NBEA: variants seen among roughly 807,000 people sequenced by gnomAD.
NBEA encodes neurobeachin.
A neutral mutation model predicts 343.4 loss-of-function variants in NBEA; 44 were observed. That is an observed-to-expected ratio of 0.13 (90% CI 0.10 to 0.16). The LOEUF (loss-of-function observed/expected upper bound fraction) is 0.16, where lower values mean the gene tolerates loss of function less well. Among genes scored for constraint, NBEA ranks in the 10% least tolerant of loss-of-function variants. The probability of loss-of-function intolerance (pLI) is 1.00; values close to 1 mark genes in which losing one functional copy is unlikely to be tolerated. For missense variants in NBEA, 2,555 were observed against 3,631.3 expected (o/e 0.70, Z 7.62); for synonymous variants, 1,175 against 1,238.7 (o/e 0.95, Z 1.08).
At chr13:35,663,293 G>A (rs2085191704) in intron 55 of NBEA, among the ~76,000 whole-genome samples, 1 of 152,194 alleles carries the variant, frequency 6.6e-6, no homozygotes, top group South Asian at 2.1e-4. Flanking sequence ...CCAGCCTCTG[G>A]TAACCACTAT....
intron 34 of NBEA, among the ~76,000 whole-genome samples, chr13:35,271,213 A>G (rs2034120402): frequency 6.6e-6 from 1 of 152,214 alleles, no homozygotes; most frequent in Non-Finnish European, 1.5e-5. Context: ...CCAGGCAAAC[A>G]GGGTCTAAAG....
At chr13:35,401,880 T>G (rs946115852) in intron 38 of NBEA, among the ~76,000 whole-genome samples, 1 of 152,042 alleles carries the variant, frequency 6.6e-6, no homozygotes, top group Non-Finnish European at 1.5e-5. Context: ...ATGCCATTGT[T>G]TTAAATACAT....
intron 32 of NBEA, among the ~76,000 whole-genome samples, chr13:35,209,097 A>C (rs925074779): frequency 1.3e-5 from 2 of 152,134 alleles, no homozygotes; most frequent in African/African-American, 4.8e-5. Context: ...GTTTATTTTC[A>C]GAGTGAAATC....
At chr13:35,173,369 G>A in intron 26 of NBEA, 95 bp from the exon 27 acceptor site, 1 of 1,107,764 alleles carries the variant, frequency 9.0e-7, no homozygotes, top group South Asian at 2.0e-5. Context: ...TGAAGCAAGG[G>A]GAAAGAAAGG....
intron 1 of NBEA, among the ~76,000 whole-genome samples, chr13:34,953,244 G>A (rs1019116228): frequency 1.3e-5 from 2 of 152,026 alleles, no homozygotes; most frequent in Non-Finnish European, 2.9e-5. Flanking sequence ...ATATATAAAC[G>A]ATACTTGATT....
chr13:35,360,354 T>G (rs1397476210), intron 38 of NBEA, among the ~76,000 whole-genome samples: 1 of 152,020 alleles, frequency 6.6e-6, no homozygotes, highest in African/African-American at 2.4e-5. Flanking sequence ...AGAACTTGTC[T>G]GAACCTAAAA....
At chr13:35,270,005 A>G (rs192452881) in intron 34 of NBEA, among the ~76,000 whole-genome samples, 202 of 152,296 alleles carry the variant, frequency 1.3e-3, no homozygotes, top group African/African-American at 4.8e-3. Flanking sequence ...ACCATTCAGG[A>G]TATTCTAATT....
intron 8 of NBEA, among the ~76,000 whole-genome samples, chr13:35,061,837 A>G (rs2063478618): frequency 6.6e-6 from 1 of 151,668 alleles, no homozygotes; most frequent in South Asian, 2.1e-4. Context: ...CTATAGGGTT[A>G]TGGAGATTGA....
At chr13:35,110,150 CA>C (rs2066126032) in intron 12 of NBEA, among the ~76,000 whole-genome samples, 1 of 150,064 alleles carries the variant, frequency 6.7e-6, no homozygotes, top group Admixed American at 6.7e-5. Flanking sequence ...TGGTGCGCTG[CA>C]CCCACTAACG....
At chr13:35,658,646 C>T (rs1157397826) in intron 55 of NBEA, among the ~76,000 whole-genome samples, 1 of 151,850 alleles carries the variant, frequency 6.6e-6, no homozygotes, top group Non-Finnish European at 1.5e-5. Context: ...AATTGTTATC[C>T]GATAATATTT....
At chr13:35,443,514 A>C (rs1034629334) in intron 39 of NBEA, among the ~76,000 whole-genome samples, 4 of 152,048 alleles carry the variant, frequency 2.6e-5, no homozygotes, top group Non-Finnish European at 5.9e-5. Context: ...AACTCATTCA[A>C]ACTAAAATAT....
At chr13:35,154,137 G>T (rs1466568951) in intron 18 of NBEA, among the ~76,000 whole-genome samples, 1 of 152,144 alleles carries the variant, frequency 6.6e-6, no homozygotes, top group Non-Finnish European at 1.5e-5. Context: ...CTTTAATAAA[G>T]TAGGTCAGTT....
intron 48 of NBEA, among the ~76,000 whole-genome samples, chr13:35,614,667 A>C (rs1289067989): frequency 6.6e-6 from 1 of 152,210 alleles, no homozygotes; most frequent in Admixed American, 6.5e-5. Context: ...TGAAGTGACA[A>C]AACCATCCTT....
At chr13:35,313,128 A>G (rs932358282) in intron 36 of NBEA, among the ~76,000 whole-genome samples, 2 of 152,184 alleles carry the variant, frequency 1.3e-5, no homozygotes, top group Non-Finnish European at 2.9e-5. Flanking sequence ...CTCTTCTCCC[A>G]CATCTTGACA....
chr13:35,156,312 T>A, intron 20 of NBEA, 106 bp downstream of exon 20: 1 of 1,168,800 alleles, frequency 8.6e-7, no homozygotes, highest in African/African-American at 1.6e-5. Flanking sequence ...TAAATACTTT[T>A]AATCATCAGA....
chr13:35,164,588 A>C (rs372769407), intron 24 of NBEA, 79 bp downstream of exon 24: 1 of 1,412,804 alleles, frequency 7.1e-7, no homozygotes. Context: ...CTAGGCTATA[A>C]ACACATTTTA....
chr13:35,033,669 T>C (rs1488874328), intron 1 of NBEA, among the ~76,000 whole-genome samples: 1 of 151,956 alleles, frequency 6.6e-6, no homozygotes, highest in Non-Finnish European at 1.5e-5. Flanking sequence ...GGGTGTCCTC[T>C]TCAATTTATT....
At chr13:35,534,019 T>C (rs1426748232) in intron 41 of NBEA, among the ~76,000 whole-genome samples, 2 of 152,224 alleles carry the variant, frequency 1.3e-5, no homozygotes, top group African/African-American at 4.8e-5. Flanking sequence ...ATCATTCCTT[T>C]AAAGTTGTCA....
intron 48 of NBEA, among the ~76,000 whole-genome samples, chr13:35,612,755 G>T (rs1255745322): frequency 6.6e-6 from 1 of 152,066 alleles, no homozygotes; most frequent in East Asian, 1.9e-4. Flanking sequence ...ATTAATGTTG[G>T]TATAAGCTAA....
Sources: gnomAD v4.1 joint callset for allele counts (sites outside exome capture counted in the v4.1 genomes callset) on GRCh38, gnomAD v4.1.1 for gene constraint, MANE v1.5 for transcripts, NCBI Gene and HGNC (gene_info 2026-07-23, HGNC 2026-07-21) for gene names.